Variants in IGFL1 observed in about 807,000 individuals in gnomAD.
IGFL1 encodes the protein insulin growth factor-like family member 1.
Under a neutral mutation model 16.0 loss-of-function variants are expected in IGFL1, and 16 were observed. The observed-to-expected ratio is 1.00, with a 90% confidence interval of 0.68 to 1.52. The LOEUF is 1.52. Among genes scored for constraint, IGFL1 ranks in the 40% most tolerant of loss-of-function variants. The probability of loss-of-function intolerance (pLI) is 0.00; values close to 1 mark genes in which losing one functional copy is unlikely to be tolerated. For missense variants in IGFL1, 149 were observed against 141.7 expected (o/e 1.05, Z -0.26); for synonymous variants, 59 against 54.0 (o/e 1.09, Z -0.41).
intron 1 of IGFL1, 149 bp from the exon 2 acceptor site, chr19:46,229,959 A>G (rs916799548): frequency 3.2e-5 from 39 of 1,205,980 alleles, no homozygotes; most frequent in Non-Finnish European, 4.7e-5. Flanking sequence ...CATAGTGCCC[A>G]GATCAGCCCC....
chr19:46,230,442 C>T lies in IGFL1; in HGVS notation c.248C>T (p.Pro83Leu), dbSNP rs781070053. ...TFRVCFEQCC[P>L]WTFMVKLINQ... The stretch of plus-strand genomic sequence containing the variant: ...AGAGTCTGCTTTGAGCAGTGCTGCC[C>T]CTGGACCTTCATGGTGAAGCTGATA... Residue 83 changes from proline (P) to leucine (L), a missense_variant, in exon 3 of 4, where the codon CCC (proline) becomes CTC (leucine). Coordinates refer to ENST00000437936, the MANE Select transcript of IGFL1 (RefSeq NM_198541.2). The T allele has an allele frequency of 1.9e-6, 3 of 1,614,032 alleles. No homozygotes were observed. In the Admixed American group the frequency reaches 5.0e-5, roughly 27 times the overall value.
Position 46,230,256 on chromosome 19 carries a change from C to A in IGFL1, c.80-18C>A. 1 of 1,613,864 alleles carries A rather than the reference C, an allele frequency of 6.2e-7. No homozygotes were observed. The highest frequency in any genetic ancestry group is 8.5e-7 in the Non-Finnish European group (1 of 1,179,824). ...CCTGCCACTACCTCCTGGATCTCAC[C>A]AGCTCTGTCTCCTCCAGTGGCCCCC... is the stretch of plus-strand genomic sequence containing the variant. On this transcript the variant is annotated intron_variant, in intron 2 of 3. Transcript: ENST00000437936.
chr19:46,229,793 A>G lies in IGFL1; in HGVS notation c.19A>G (p.Ile7Val), dbSNP rs1451261913. The G allele has an allele frequency of 6.2e-7, 1 of 1,606,804 alleles. No individual in the cohort carries two copies. Among genetic ancestry groups the G allele is most frequent in the Non-Finnish European group, 8.5e-7 (1 of 1,177,090 alleles). ...CAGAGCCATGGCTCCCCGAGGCTGC[A>G]TCGTAGGTAAGGAGGACAGGACCCC... Reference protein sequence around the residue: MAPRGCIVAVFAIFCIS... With the variant: MAPRGCVVAVFAIFCIS... The change falls in exon 1 of 4, where the codon ATC becomes GTC. Residue 7 changes from isoleucine to valine, a missense_variant. Physicochemically the swap from Ile to Val is conservative, Grantham distance 29. Transcript: ENST00000437936.
chr19:46,230,751 A>G (rs1213228603), intron 3 of IGFL1, 70 bp from the exon 4 acceptor site: 4 of 1,549,748 alleles, frequency 2.6e-6, no homozygotes, highest in Non-Finnish European at 3.6e-6. Flanking sequence ...ATTTCTGCCC[A>G]TGTTCAGTCT....
chr19:46,230,396 A>T lies in IGFL1; in HGVS notation c.202A>T (p.Thr68Ser). The T allele has an allele frequency of 6.2e-7, 1 of 1,614,028 alleles. No homozygotes were observed. The highest frequency in any genetic ancestry group is 8.5e-7 in the Non-Finnish European group (1 of 1,179,894). ...CGTCGTGCCCTTGGCCAGGACCCAGACGTGTGGAAACTGCACCTTCAGAGT... is the reference window on the plus strand; with the variant it reads ...CGTCGTGCCCTTGGCCAGGACCCAGTCGTGTGGAAACTGCACCTTCAGAGT... ...DAVVPLARTQ[T>S]CGNCTFRVCF... Residue 68 changes from threonine to serine, a missense_variant, in exon 3 of 4, where the codon ACG (threonine) becomes TCG (serine). By Grantham distance (58) the Thr-to-Ser change is moderately conservative. Transcript: ENST00000437936.
At chr19:46,230,770 T>A in intron 3 of IGFL1, 51 bp from the exon 4 acceptor site, 2 of 1,600,706 alleles carry the variant, frequency 1.2e-6, no homozygotes, top group Non-Finnish European at 1.7e-6. Context: ...CTCGCCCCCA[T>A]CTCTGGCCAT....
In IGFL1 at chr19:46,230,851, G is replaced by T; in HGVS notation, c.*21G>T. 4 of 1,607,700 alleles carry T rather than the reference G, an allele frequency of 2.5e-6. No individual in the cohort carries two copies. Among genetic ancestry groups the T allele is most frequent in the Non-Finnish European group, 3.4e-6 (4 of 1,176,664 alleles). ...GCTAATGGAACATCAGGGGAACGATGACTCCTGGATTCTCCTTCCTGGGTG... is the reference window on the plus strand; with the variant it reads ...GCTAATGGAACATCAGGGGAACGATTACTCCTGGATTCTCCTTCCTGGGTG... On this transcript the variant is annotated 3_prime_UTR_variant, in exon 4 of 4. Coordinates refer to ENST00000437936, the MANE Select transcript of IGFL1 (RefSeq NM_198541.2).
intron 1 of IGFL1, 89 bp downstream of exon 1, chr19:46,229,888 A>G: frequency 1.4e-6 from 2 of 1,445,598 alleles, no homozygotes; most frequent in Non-Finnish European, 1.9e-6. Flanking sequence ...ACTACACCTC[A>G]TCCCTGTTCC....
intron 2 of IGFL1, 48 bp from the exon 3 acceptor site, chr19:46,230,226 A>G (rs763780323): frequency 6.2e-7 from 1 of 1,611,470 alleles, no homozygotes; most frequent in Non-Finnish European, 8.5e-7. Flanking sequence ...CCAGGCTGGG[A>G]CCCACCTGCC....
At chr19:46,229,824 C>G (rs1306408912) in intron 1 of IGFL1, 25 bp downstream of exon 1, 10 of 1,600,206 alleles carry the variant, frequency 6.2e-6, no homozygotes, top group Non-Finnish European at 8.5e-6. Context: ...ACCCCATTCC[C>G]ACCTGAGCCC....
In IGFL1 at chr19:46,229,779, C is replaced by A. The variant is rs771212557; in HGVS notation, c.5C>A (p.Ala2Asp). 1.2e-6 allele frequency: 2 copies of A among 1,606,976 alleles called. No individual in the cohort carries two copies. Among genetic ancestry groups the A allele is most frequent in the East Asian group, 2.2e-5 (1 of 44,572 alleles). Residue 2 changes from alanine (A) to aspartate (D), a missense_variant, in exon 1 of 4, where the codon GCT becomes GAT. Physicochemically the swap from Ala to Asp is moderately radical, Grantham distance 126. Coordinates refer to ENST00000437936, the MANE Select transcript of IGFL1 (RefSeq NM_198541.2). M[A>D]PRGCIVAVFA... is the part of the protein sequence containing the mutation. The stretch of plus-strand genomic sequence containing the variant: ...CCACTGCAACCACCCAGAGCCATGG[C>A]TCCCCGAGGCTGCATCGTAGGTAAG...
At position 46,230,402 on chromosome 19, in the gene IGFL1, G is replaced by A; in HGVS notation, c.208G>A (p.Gly70Arg). 6.2e-7 allele frequency: 1 copy of A among 1,614,050 alleles called. No individual in the cohort carries two copies. Among genetic ancestry groups the A allele is most frequent in the Non-Finnish European group, 8.5e-7 (1 of 1,179,904 alleles). Reference protein sequence around the residue: ...VVPLARTQTCGNCTFRVCFEQ... With the variant: ...VVPLARTQTCRNCTFRVCFEQ... ...GCCCTTGGCCAGGACCCAGACGTGT[G>A]GAAACTGCACCTTCAGAGTCTGCTT... The change falls in exon 3 of 4, where the codon GGA becomes AGA. Residue 70 changes from glycine to arginine, a missense_variant. By Grantham distance (125) the Gly-to-Arg change is moderately radical. Coordinates refer to ENST00000437936, the MANE Select transcript of IGFL1 (RefSeq NM_198541.2).
chr19:46,230,918 C>T lies in IGFL1; in HGVS notation c.*88C>T. 1.5e-6 allele frequency: 2 copies of T among 1,328,946 alleles called. No homozygotes were observed. Among genetic ancestry groups the T allele is most frequent in the Non-Finnish European group, 2.1e-6 (2 of 939,432 alleles). 82.3% of individuals were successfully genotyped at this position (1,328,946 alleles called of 1,614,324 possible). On this transcript the variant is annotated 3_prime_UTR_variant, in exon 4 of 4. Coordinates refer to ENST00000437936, the MANE Select transcript of IGFL1 (RefSeq NM_198541.2). ...CTGGTGTTACCTGAGATCTGGGATG[C>T]TGAGTGGCTGTTTGGGGGCCAGAGA...
In IGFL1 at chr19:46,230,805, C is replaced by T. The variant is rs773382651; in HGVS notation, c.324-16C>T. On this transcript the variant is annotated splice_polypyrimidine_tract_variant and intron_variant, in intron 3 of 3. Coordinates refer to ENST00000437936, the MANE Select transcript of IGFL1 (RefSeq NM_198541.2). ...TCTCTGTCCCGCTCAGTGTCTCTCTCTGTCACTATCTCCAGTGTCAGCTAA... is the reference window on the plus strand; with the variant it reads ...TCTCTGTCCCGCTCAGTGTCTCTCTTTGTCACTATCTCCAGTGTCAGCTAA... The T allele has an allele frequency of 6.2e-7, 1 of 1,611,782 alleles. No individual in the cohort carries two copies.
chr19:46,230,715 CCT>C (rs1487714047), intron 3 of IGFL1, 104 bp from the exon 4 acceptor site: 15 of 1,412,606 alleles, frequency 1.1e-5, no homozygotes, highest in Middle Eastern at 1.8e-4. Context: ...ACCCCGCTGT[CCT>C]CTCCTCCTGG....
rs199978848 is a variant in IGFL1, at chr19:46,230,275, G to A, written c.81G>A (p.Val27=). 1.9e-6 allele frequency: 3 copies of A among 1,613,794 alleles called. No individual in the cohort carries two copies. In the African/African-American group the frequency reaches 4.0e-5, roughly 22 times the overall value. Residue 27 remains valine, a splice_region_variant and synonymous_variant, in exon 3 of 4, where the codon GTG becomes GTA. Transcript: ENST00000437936. ...TCTCACCAGCTCTGTCTCCTCCAGTGGCCCCCATGACTCCTTACCTGATGC... is the reference window on the plus strand; with the variant it reads ...TCTCACCAGCTCTGTCTCCTCCAGTAGCCCCCATGACTCCTTACCTGATGC... ...SRLLCSHGAP[V]APMTPYLMLC... is the part of the protein sequence containing the mutation.
chr19:46,229,881 A>G (rs1967223944), intron 1 of IGFL1, 82 bp downstream of exon 1: 1 of 1,464,312 alleles, frequency 6.8e-7, no homozygotes, highest in Non-Finnish European at 9.4e-7. Flanking sequence ...ACCCCAAACT[A>G]CACCTCATCC....
chr19:46,230,732 C>T, intron 3 of IGFL1, 89 bp from the exon 4 acceptor site: 1 of 1,486,724 alleles, frequency 6.7e-7, no homozygotes, highest in South Asian at 1.2e-5. Context: ...TCCTGGCTCT[C>T]CTGTCCTCAT....
chr19:46,230,610 T>A, intron 3 of IGFL1, 93 bp downstream of exon 3: 1 of 1,553,428 alleles, frequency 6.4e-7, no homozygotes, highest in East Asian at 2.3e-5. Flanking sequence ...TGTCTCCCTG[T>A]CTCTGCCCCC....
Sources: gnomAD v4.1 joint callset for allele counts on GRCh38, gnomAD v4.1.1 for gene constraint, MANE v1.5 for transcripts, NCBI Gene and HGNC (gene_info 2026-07-23, HGNC 2026-07-21) for gene names.